Variants in PIK3CD observed in about 807,000 individuals in gnomAD.
PIK3CD encodes phosphatidylinositol-4,5-bisphosphate 3-kinase catalytic subunit delta.
PIK3CD carries 20 observed loss-of-function variants against 122.9 expected under a neutral mutation model. That is an observed-to-expected ratio of 0.16 (90% confidence interval 0.11 to 0.24). The LOEUF is 0.24. PIK3CD is among the 10% of genes least tolerant of loss of function. The pLI, the probability that PIK3CD is intolerant of heterozygous loss-of-function variation, is 1.00. For synonymous variants in PIK3CD, 596 were observed against 593.4 expected (o/e 1.00, Z -0.06); for missense variants, 787 against 1,406.3 (o/e 0.56, Z 7.04).
At chr1:9,632,453 T>C in the PIK3CD span, among the ~76,000 whole-genome samples, 1 of 152,122 alleles carries the variant, frequency 6.6e-6, no homozygotes, top group South Asian at 2.1e-4. Flanking sequence ...GCCTCCCAAG[T>C]AACTGGGACT....
chr1:9,697,756 C>T (rs1434913199), intron 2 of PIK3CD, among the ~76,000 whole-genome samples: 1 of 151,802 alleles, frequency 6.6e-6, no homozygotes, highest in Non-Finnish European at 1.5e-5. Context: ...AAGTGCTGAG[C>T]GCGGTGGCTC....
At chr1:9,699,190 A>C (rs929374357) in intron 2 of PIK3CD, among the ~76,000 whole-genome samples, 16 of 152,090 alleles carry the variant, frequency 1.1e-4, no homozygotes, top group African/African-American at 3.4e-4. Flanking sequence ...AGCCAGGGCG[A>C]TAGAATGAGA....
chr1:9,692,733 A>T, intron 2 of PIK3CD, among the ~76,000 whole-genome samples: 1 of 152,326 alleles, frequency 6.6e-6, no homozygotes, highest in East Asian at 1.9e-4. Context: ...CCGTCTCAAA[A>T]AAATAAATAA....
intron 3 of PIK3CD, among the ~76,000 whole-genome samples, chr1:9,714,109 C>T (rs1647169227): frequency 6.6e-6 from 1 of 152,160 alleles, no homozygotes; most frequent in Admixed American, 6.6e-5. Context: ...ACCTCAGCCT[C>T]CCAAAGTATT....
At chr1:9,628,822 C>T in the PIK3CD span, among the ~76,000 whole-genome samples, 1 of 151,652 alleles carries the variant, frequency 6.6e-6, no homozygotes, top group Non-Finnish European at 1.5e-5. Flanking sequence ...TGGTGAAGGA[C>T]AGACGAGCTG....
chr1:9,650,648 GAAAGA>G (rs911468610), upstream of PIK3CD, among the ~76,000 whole-genome samples: 8 of 151,664 alleles, frequency 5.3e-5, no homozygotes, highest in African/African-American at 1.5e-4. Flanking sequence ...AAAAGAAAAA[GAAAGA>G]AAAGAAAAGA....
Position 9,710,260 on chromosome 1 carries a change from C to T in PIK3CD, c.-32-164C>T. ...AGTAGGAGCCACAAGCCACCCTGGG[C>T]AGGACGAGGCCCTGAGGGAGGTGAG... is the stretch of plus-strand genomic sequence containing the variant. On this transcript the variant is annotated intron_variant, in intron 2 of 23. Transcript: ENST00000377346. The surrounding 1 kb of genome is among the most constrained non-coding windows in gnomAD (Gnocchi z 4.7). 1 of 643,310 alleles carries T rather than the reference C, an allele frequency of 1.6e-6. No homozygotes were observed. The highest frequency in any genetic ancestry group is 2.8e-6 in the Non-Finnish European group (1 of 354,958). 39.9% of individuals were successfully genotyped at this position (643,310 alleles called of 1,614,324 possible).
chr1:9,646,496 G>A, the PIK3CD span, among the ~76,000 whole-genome samples: 1 of 152,194 alleles, frequency 6.6e-6, no homozygotes, highest in Non-Finnish European at 1.5e-5. Context: ...CAAGACAAGG[G>A]AAAGCAGTTT....
chr1:9,675,036 AAGAG>A lies in PIK3CD; in HGVS notation c.-137-16421_-137-16418del, dbSNP rs1214451462. The stretch of plus-strand genomic sequence containing the variant: ...GGGCAATGTAAAAAAAAAAAAAAAA[AAGAG>A]AGAGAGAGAAAGAAAGAAAGAAAGA... On this transcript the variant is annotated intron_variant, in intron 1 of 23. Transcript: ENST00000377346. Among the ~76,000 whole-genome samples, 502 of 141,590 alleles carry A rather than the reference AAGAG, an allele frequency of 3.5e-3. 4 individuals carry two copies. The highest frequency in any genetic ancestry group is 0.012 in the African/African-American group (467 of 37,860). 92.9% of individuals were successfully genotyped at this position (141,590 alleles called of 152,430 possible).
upstream of PIK3CD, among the ~76,000 whole-genome samples, chr1:9,650,093 A>C (rs889930571): frequency 2.6e-5 from 4 of 151,862 alleles, no homozygotes; most frequent in African/African-American, 9.7e-5. Flanking sequence ...AGCTCATATA[A>C]CATCCTACAA....
intron 1 of PIK3CD, among the ~76,000 whole-genome samples, chr1:9,682,387 C>T (rs927343902): frequency 6.6e-6 from 1 of 151,802 alleles, no homozygotes; most frequent in African/African-American, 2.4e-5. Flanking sequence ...TACAGGCATG[C>T]CACTACACTT....
chr1:9,667,803 C>T (rs1294674309), intron 1 of PIK3CD, among the ~76,000 whole-genome samples: 1 of 149,192 alleles, frequency 6.7e-6, no homozygotes, highest in Non-Finnish European at 1.5e-5. Context: ...CTGGAGCAAT[C>T]ACAGCTTATT....
Position 9,723,120 on chromosome 1 carries a change from C to T in PIK3CD, c.2427-5C>T. ...ATTTGCCCGTCCCTCTTCCCCCTTG[C>T]CTAGGATGACCCCCTATGGCTGCCT... On this transcript the variant is annotated splice_region_variant and splice_polypyrimidine_tract_variant and intron_variant, in intron 19 of 23. Transcript: ENST00000377346. The surrounding 1 kb of genome is among the most constrained non-coding windows in gnomAD (Gnocchi z 4.9). The T allele has an allele frequency of 6.2e-7, 1 of 1,613,292 alleles. No homozygotes were observed. The highest frequency in any genetic ancestry group is 8.5e-7 in the Non-Finnish European group (1 of 1,179,892).
chr1:9,694,519 G>A (rs1646328489), intron 2 of PIK3CD, among the ~76,000 whole-genome samples: 2 of 152,236 alleles, frequency 1.3e-5, no homozygotes, highest in African/African-American at 4.8e-5. Context: ...GAGCGACAGA[G>A]TGAGACTCCG....
At chr1:9,665,713 T>C (rs1037664723) in intron 1 of PIK3CD, among the ~76,000 whole-genome samples, 13 of 152,118 alleles carry the variant, frequency 8.5e-5, no homozygotes, top group African/African-American at 3.1e-4. Flanking sequence ...CTTCTTTCTG[T>C]TTAAACATTT....
intron 6 of PIK3CD, 98 bp from the exon 7 acceptor site, chr1:9,716,861 G>A (rs140532807): frequency 0.012 from 18,107 of 1,539,214 alleles, 153 homozygotes; most frequent in Non-Finnish European, 0.014. Context: ...CCAAGGCCTA[G>A]GACAGGCAGT....
intron 1 of PIK3CD, among the ~76,000 whole-genome samples, chr1:9,666,416 A>G (rs1345617501): frequency 6.7e-6 from 1 of 150,272 alleles, no homozygotes; most frequent in Non-Finnish European, 1.5e-5. Flanking sequence ...GTATTTTTGT[A>G]GAGACAGGGT....
chr1:9,715,487 C>T lies in PIK3CD; in HGVS notation c.142-54C>T, dbSNP rs1439503131. On this transcript the variant is annotated intron_variant, in intron 3 of 23. Transcript: ENST00000377346. The surrounding 1 kb of genome is among the most constrained non-coding windows in gnomAD (Gnocchi z 4.1). ...AGCTCTCCACCCTCCCTCAGCCTCCCACCTCCCAGTGGCTGCCTTGGGTGG... is the reference window on the plus strand; with the variant it reads ...AGCTCTCCACCCTCCCTCAGCCTCCTACCTCCCAGTGGCTGCCTTGGGTGG... The T allele has an allele frequency of 1.3e-6, 2 of 1,529,382 alleles. No homozygotes were observed. The highest frequency in any genetic ancestry group is 4.5e-5 in the East Asian group (2 of 44,098). 94.7% of individuals were successfully genotyped at this position (1,529,382 alleles called of 1,614,324 possible).
chr1:9,703,181 C>T (rs1307339210), intron 2 of PIK3CD, among the ~76,000 whole-genome samples: 1 of 152,224 alleles, frequency 6.6e-6, no homozygotes, highest in Non-Finnish European at 1.5e-5. Context: ...CCAGAGAAGC[C>T]TAGATGTCAA....
Sources: gnomAD v4.1 joint callset for allele counts (sites outside exome capture counted in the v4.1 genomes callset) on GRCh38, gnomAD v4.1.1 for gene constraint, Gnocchi (gnomAD v3.1) non-coding constraint, MANE v1.5 for transcripts, NCBI Gene and HGNC (gene_info 2026-07-23, HGNC 2026-07-21) for gene names.